CNTN5: variants seen among roughly 807,000 people sequenced by gnomAD.
CNTN5 encodes contactin 5.
Under a neutral mutation model 129.1 loss-of-function variants are expected in CNTN5, and 77 were observed. The observed-to-expected ratio is 0.60, with a 90% CI of 0.50 to 0.72. The LOEUF is 0.72. Among genes scored for constraint, CNTN5 ranks in the 30% least tolerant of loss-of-function variants. CNTN5 has a pLI of 0.00. For synonymous variants in CNTN5, 509 were observed against 465.6 expected (o/e 1.09, Z -1.20); for missense variants, 1,478 against 1,328.8 (o/e 1.11, Z -1.75).
chr11:99,970,850 A>C (rs1951230857), intron 8 of CNTN5, among the ~76,000 whole-genome samples: 1 of 152,158 alleles, frequency 6.6e-6, no homozygotes, highest in Admixed American at 6.5e-5. Context: ...GGAGCTTTAT[A>C]GTCCATTACT....
At chr11:100,052,011 T>A (rs1363733907) in intron 9 of CNTN5, among the ~76,000 whole-genome samples, 1 of 151,944 alleles carries the variant, frequency 6.6e-6, no homozygotes, top group Non-Finnish European at 1.5e-5. Context: ...ATCAAACATG[T>A]AAAGAAGAAA....
intron 3 of CNTN5, among the ~76,000 whole-genome samples, chr11:99,681,723 A>G (rs1221346843): frequency 6.6e-6 from 1 of 152,042 alleles, no homozygotes; most frequent in Non-Finnish European, 1.5e-5. Flanking sequence ...GTACACCTAT[A>G]ATTATGTTCA....
chr11:100,193,617 C>A lies in CNTN5; in HGVS notation c.1838C>A (p.Pro613His), dbSNP rs538146525. ...VTFYWTLKGQ[P>H]IDFEEEGGHF... ...TTCTACTGGACTCTGAAAGGACAGC[C>A]TATTGATTTCGAGGAAGAGGGTGGA... Residue 613 changes from proline to histidine, a missense_variant, in exon 15 of 25, where the codon CCT becomes CAT. Transcript: ENST00000524871. The A allele has an allele frequency of 6.2e-7, 1 of 1,611,880 alleles. No homozygotes were observed. Among genetic ancestry groups the A allele is most frequent in the African/African-American group, 1.3e-5 (1 of 74,862 alleles).
At chr11:99,778,939 G>T (rs1283789270) in intron 3 of CNTN5, among the ~76,000 whole-genome samples, 3 of 151,334 alleles carry the variant, frequency 2.0e-5, no homozygotes, top group African/African-American at 4.8e-5. Flanking sequence ...TATATAAGTA[G>T]GTGTGTTGTT....
intron 3 of CNTN5, among the ~76,000 whole-genome samples, chr11:99,678,220 C>T (rs960260723): frequency 6.6e-6 from 1 of 151,914 alleles, no homozygotes; most frequent in Non-Finnish European, 1.5e-5. Flanking sequence ...TGCTTTTCTA[C>T]AAAAGAACTT....
chr11:99,180,264 G>A (rs1857984414), intron 1 of CNTN5, among the ~76,000 whole-genome samples: 1 of 152,184 alleles, frequency 6.6e-6, no homozygotes, highest in Admixed American at 6.5e-5. Flanking sequence ...ATGGGAAAGG[G>A]AGAAGGGAAA....
intron 2 of CNTN5, among the ~76,000 whole-genome samples, chr11:99,520,156 G>C (rs969212668): frequency 6.6e-6 from 1 of 152,020 alleles, no homozygotes; most frequent in African/African-American, 2.4e-5. Context: ...ATTTATGTTA[G>C]ATTCTCTGGC....
At chr11:99,573,171 G>GT (rs372222118) in intron 3 of CNTN5, among the ~76,000 whole-genome samples, 20,302 of 146,144 alleles carry the variant, frequency 0.14, 1,523 homozygotes, top group Non-Finnish European at 0.19. Context: ...CCCAAGGAGT[G>GT]TTTTTTTTTT....
chr11:99,256,477 G>A (rs1862383486), intron 1 of CNTN5, among the ~76,000 whole-genome samples: 2 of 151,960 alleles, frequency 1.3e-5, no homozygotes, highest in Non-Finnish European at 2.9e-5. Context: ...ACCACAAATA[G>A]CAACTGGATT....
At chr11:99,349,608 A>G (rs1160522760) in intron 2 of CNTN5, among the ~76,000 whole-genome samples, 1 of 152,192 alleles carries the variant, frequency 6.6e-6, no homozygotes, top group Non-Finnish European at 1.5e-5. Flanking sequence ...GGGGAATTGA[A>G]CACTTGGAAT....
chr11:99,050,226 G>C (rs10892693), intron 1 of CNTN5, among the ~76,000 whole-genome samples: 36,005 of 151,838 alleles, frequency 0.24, 4,560 homozygotes, highest in East Asian at 0.33. Context: ...CACTTCAGTA[G>C]AAAGAAAAGT....
At chr11:99,151,644 G>A (rs1860062673) in intron 1 of CNTN5, among the ~76,000 whole-genome samples, 1 of 152,092 alleles carries the variant, frequency 6.6e-6, no homozygotes, top group Non-Finnish European at 1.5e-5. Flanking sequence ...AAATATTTGG[G>A]AACCAACCCA....
At chr11:99,189,756 T>G (rs895940854) in intron 1 of CNTN5, among the ~76,000 whole-genome samples, 1 of 151,788 alleles carries the variant, frequency 6.6e-6, no homozygotes, top group East Asian at 1.9e-4. Context: ...ATTAGGCTAT[T>G]CATTTTTTGC....
chr11:100,032,452 G>C (rs1165263645), intron 9 of CNTN5, among the ~76,000 whole-genome samples: 4 of 151,834 alleles, frequency 2.6e-5, no homozygotes, highest in African/African-American at 9.7e-5. Context: ...ATGTTCTAGA[G>C]ACAAAAAGTG....
At chr11:99,917,330 T>TG (rs1303807909) in intron 7 of CNTN5, among the ~76,000 whole-genome samples, 2 of 152,170 alleles carry the variant, frequency 1.3e-5, no homozygotes, top group Non-Finnish European at 2.9e-5. Context: ...TATCTATTCT[T>TG]GCCTGCATCT....
At chr11:100,087,354 CA>C (rs1360116779) in intron 13 of CNTN5, among the ~76,000 whole-genome samples, 1 of 151,220 alleles carries the variant, frequency 6.6e-6, no homozygotes, top group Non-Finnish European at 1.5e-5. Flanking sequence ...AAACATACAC[CA>C]AAAAACTCAA....
intron 9 of CNTN5, among the ~76,000 whole-genome samples, chr11:100,051,926 G>A (rs1020018596): frequency 6.6e-6 from 1 of 151,754 alleles, no homozygotes; most frequent in Non-Finnish European, 1.5e-5. Flanking sequence ...ATATCTATCA[G>A]TGAAATTAAA....
At chr11:100,305,960 A>G (rs1263759457) in intron 20 of CNTN5, among the ~76,000 whole-genome samples, 1 of 151,390 alleles carries the variant, frequency 6.6e-6, no homozygotes, top group Non-Finnish European at 1.5e-5. Context: ...AAAAAAAAAA[A>G]AAAATTACAA....
chr11:99,806,389 T>C lies in CNTN5; in HGVS notation c.56-13155T>C, dbSNP rs181081570. ...CCCCCACTAAATTTACTTATAAAAGTGCCATGGAAGAAAGTAAATATATAA... is the reference window on the plus strand; with the variant it reads ...CCCCCACTAAATTTACTTATAAAAGCGCCATGGAAGAAAGTAAATATATAA... On this transcript the variant is annotated intron_variant, in intron 3 of 24. Transcript: ENST00000524871. 3.9e-3 allele frequency among the ~76,000 whole-genome samples: 592 copies of C among 152,264 alleles called. 4 individuals carry two copies. The highest frequency in any genetic ancestry group is 0.013 in the African/African-American group (557 of 41,542).
Sources: gnomAD v4.1 joint callset for allele counts (sites outside exome capture counted in the v4.1 genomes callset) on GRCh38, gnomAD v4.1.1 for gene constraint, MANE v1.5 for transcripts, NCBI Gene and HGNC (gene_info 2026-07-23, HGNC 2026-07-21) for gene names.